REPS1: variants seen among roughly 807,000 people sequenced by gnomAD.
REPS1 encodes RALBP1 associated Eps domain containing 1, also known as ralBP1-associated Eps domain-containing protein 1.
In REPS1, 39 loss-of-function variants were observed where a neutral mutation model predicts 100.9. The observed-to-expected ratio is 0.39, with a 90% CI of 0.30 to 0.50. The LOEUF is 0.50. REPS1 is among the 20% of genes least tolerant of loss of function. The pLI, the probability that REPS1 is intolerant of heterozygous loss-of-function variation, is 0.86. For missense variants in REPS1, 821 were observed against 968.5 expected, an observed-to-expected ratio of 0.85 and a Z score of 2.02; for synonymous variants, 324 against 340.3, an observed-to-expected ratio of 0.95 and a Z score of 0.53.
chr6:138,930,781 G>GA (rs1781439931), intron 8 of REPS1, among the ~76,000 whole-genome samples: 1 of 151,982 alleles, frequency 6.6e-6, no homozygotes, highest in African/African-American at 2.4e-5. Flanking sequence ...CCAGCCACGG[G>GA]AAAAAAGCAA....
chr6:138,935,088 C>T lies in REPS1; in HGVS notation c.1136-4990G>A, dbSNP rs557108095. Among the ~76,000 whole-genome samples the T allele has an allele frequency of 2.0e-5, 3 of 152,318 alleles. No individual in the cohort carries two copies. The South Asian group carries it at 6.2e-4, about 32-fold the overall frequency. On this transcript the variant is annotated intron_variant, in intron 8 of 19. Transcript: ENST00000450536. ...AGTTCTATTTCCAAAATGAACTCCA[C>T]TTTTCCCCAACACTTCACAAAATGG...
At chr6:138,977,220 T>C (rs1354760732) in intron 1 of REPS1, among the ~76,000 whole-genome samples, 4 of 152,244 alleles carry the variant, frequency 2.6e-5, no homozygotes. Context: ...ACCATTTCTC[T>C]TGCTCTGGCC....
intron 1 of REPS1, among the ~76,000 whole-genome samples, chr6:138,959,100 C>T (rs1375896771): frequency 6.6e-6 from 1 of 152,090 alleles, no homozygotes. Context: ...GTCTTTTTGC[C>T]AGGATAATGT....
intron 1 of REPS1, among the ~76,000 whole-genome samples, chr6:138,954,308 G>A (rs901874532): frequency 2.6e-5 from 4 of 151,952 alleles, no homozygotes; most frequent in Non-Finnish European, 5.9e-5. Context: ...ATAGCTAGGG[G>A]AAGGATACTG....
At position 138,945,418 on chromosome 6, in the gene REPS1, T is replaced by G. The variant is rs760412330; in HGVS notation, c.475-46A>C. 4.0e-5 allele frequency: 63 copies of G among 1,585,326 alleles called. 2 individuals carry two copies. The Admixed American group carries it at 1.1e-3, about 27-fold the overall frequency. ...AAAATTTTAACTTTAAGGAGACATT[T>G]TAATTATTAAGCTACCAATAAGAGC... On this transcript the variant is annotated intron_variant, in intron 3 of 19. Transcript: ENST00000450536.
intron 10 of REPS1, among the ~76,000 whole-genome samples, chr6:138,921,708 G>A (rs1050089073): frequency 1.3e-5 from 2 of 150,558 alleles, no homozygotes; most frequent in African/African-American, 4.9e-5. Context: ...CTCCCAAGTA[G>A]CTGGGATTAT....
At chr6:138,964,552 C>T (rs911857431) in intron 1 of REPS1, among the ~76,000 whole-genome samples, 6 of 151,850 alleles carry the variant, frequency 4.0e-5, no homozygotes, top group Non-Finnish European at 8.8e-5. Context: ...TGTTAATTAA[C>T]TCAATTTAGC....
Position 138,987,938 on chromosome 6 carries a change from C to T in REPS1, c.-256G>A. On this transcript the variant is annotated 5_prime_UTR_variant, in exon 1 of 20. Coordinates refer to ENST00000450536, the MANE Select transcript of REPS1 (RefSeq NM_001286611.2). ...TGCGGCTGCGGCTGCGACTACGGCT[C>T]CGGCTCCGGCTCCGGCTCCGGCCGC... 3.1e-6 allele frequency: 1 copy of T among 326,398 alleles called. No homozygotes were observed. Among genetic ancestry groups the T allele is most frequent in the Admixed American group, 5.0e-5 (1 of 20,116 alleles). 20.2% of individuals were successfully genotyped at this position (326,398 alleles called of 1,614,324 possible).
intron 15 of REPS1, among the ~76,000 whole-genome samples, chr6:138,913,910 T>C (rs1211678942): frequency 2.0e-5 from 3 of 152,222 alleles, no homozygotes; most frequent in African/African-American, 7.2e-5. Context: ...ATTTCATGTA[T>C]AATGTGATCC....
Position 138,947,816 on chromosome 6 carries a change from G to A in REPS1, c.251C>T (p.Pro84Leu). The change falls in exon 2 of 20, where the codon CCT becomes CTT. Residue 84 changes from proline (P) to leucine (L), a missense_variant. Transcript: ENST00000450536. Reference protein sequence around the residue: ...KLVAVAQSGFPLRVESINTVK... With the variant: ...KLVAVAQSGFLLRVESINTVK... ...TGTATTTATACTTTCCACTCTTAAA[G>A]GGAAACCAGACTGGGCAACAGCTAC... 6.2e-7 allele frequency: 1 copy of A among 1,609,316 alleles called. No individual in the cohort carries two copies. The highest frequency in any genetic ancestry group is 8.5e-7 in the Non-Finnish European group (1 of 1,178,080).
chr6:138,930,961 C>T (rs996217956), intron 8 of REPS1, among the ~76,000 whole-genome samples: 1 of 152,128 alleles, frequency 6.6e-6, no homozygotes, highest in Non-Finnish European at 1.5e-5. Context: ...TAAAATAACT[C>T]TAAATTATAT....
At chr6:138,939,096 A>G (rs889660706) in intron 8 of REPS1, among the ~76,000 whole-genome samples, 3 of 152,170 alleles carry the variant, frequency 2.0e-5, no homozygotes, top group Admixed American at 1.3e-4. Flanking sequence ...ACCTTTTGTC[A>G]TGTGAATCTC....
intron 10 of REPS1, among the ~76,000 whole-genome samples, chr6:138,923,709 T>C (rs1780923267): frequency 6.6e-6 from 1 of 152,220 alleles, no homozygotes; most frequent in African/African-American, 2.4e-5. Flanking sequence ...TCATCAGAAC[T>C]ATGAAAGCTT....
chr6:138,908,581 C>G (rs1343032145), intron 18 of REPS1, 87 bp downstream of exon 18: 1 of 1,443,650 alleles, frequency 6.9e-7, no homozygotes, highest in Admixed American at 1.7e-5. Flanking sequence ...AGGTGTGAGC[C>G]ACCACGCCTG....
intron 10 of REPS1, among the ~76,000 whole-genome samples, chr6:138,924,863 T>C (rs1487565328): frequency 6.6e-6 from 1 of 151,990 alleles, no homozygotes; most frequent in Non-Finnish European, 1.5e-5. Context: ...TTTCAGAGAC[T>C]AAAATAAAAA....
chr6:138,945,123 A>T, intron 4 of REPS1, 96 bp downstream of exon 4: 1 of 1,087,596 alleles, frequency 9.2e-7, no homozygotes, highest in Non-Finnish European at 1.3e-6. Context: ...ATCCCCACCT[A>T]CTCAGGAGGC....
At chr6:138,938,216 C>A (rs1452271575) in intron 8 of REPS1, among the ~76,000 whole-genome samples, 3 of 152,026 alleles carry the variant, frequency 2.0e-5, no homozygotes, top group Non-Finnish European at 4.4e-5. Flanking sequence ...TGCCTATGAA[C>A]CTTAGTAGTT....
In REPS1 at chr6:138,966,389, TCA is replaced by T. The variant is rs199625901; in HGVS notation, c.154-18478_154-18477del. ...TGTACTACACCCGTGCTATGGGTTA[TCA>T]CAGGGTGAGAATGACAAAAAGATGA... On this transcript the variant is annotated intron_variant, in intron 1 of 19. Transcript: ENST00000450536. Among the ~76,000 whole-genome samples the T allele has an allele frequency of 9.0e-3, 1,374 of 152,276 alleles. 15 individuals are homozygous for T. The highest frequency in any genetic ancestry group is 0.031 in the African/African-American group (1,300 of 41,544).
intron 10 of REPS1, among the ~76,000 whole-genome samples, chr6:138,921,505 G>A (rs1274085389): frequency 2.0e-5 from 3 of 146,630 alleles, no homozygotes; most frequent in Non-Finnish European, 3.0e-5. Context: ...ATATAAAAAC[G>A]ATCTGGGCAT....
Sources: gnomAD v4.1 joint callset for allele counts (sites outside exome capture counted in the v4.1 genomes callset) on GRCh38, gnomAD v4.1.1 for gene constraint, MANE v1.5 for transcripts, NCBI Gene and HGNC (gene_info 2026-07-23, HGNC 2026-07-21) for gene names.